The following LDLRAD3 variants were observed in gnomAD, a reference collection of about 807,000 sequenced individuals.
The protein encoded by LDLRAD3 is low density lipoprotein receptor class A domain containing 3, also known as low-density lipoprotein receptor class A domain-containing protein 3.
Under a neutral mutation model 29.4 loss-of-function variants are expected in LDLRAD3, and 20 were observed. That is an observed-to-expected ratio of 0.68 (90% CI 0.48 to 0.99). The LOEUF (loss-of-function observed/expected upper bound fraction) is 0.99, where lower values mean the gene tolerates loss of function less well. LDLRAD3 is among the 50% of genes least tolerant of loss of function. The pLI, the probability that LDLRAD3 is intolerant of heterozygous loss-of-function variation, is 0.00. For synonymous variants in LDLRAD3, 157 were observed against 192.7 expected (o/e 0.81, Z 1.53); for missense variants, 420 against 454.3 (o/e 0.92, Z 0.69).
intron 2 of LDLRAD3, among the ~76,000 whole-genome samples, chr11:36,056,152 C>T (rs1406511620): frequency 1.3e-5 from 2 of 151,988 alleles, no homozygotes; most frequent in South Asian, 2.1e-4. Context: ...TGCGCCACTA[C>T]GCCCGGCTAA....
intron 4 of LDLRAD3, among the ~76,000 whole-genome samples, chr11:36,136,106 G>T (rs2133310551): frequency 6.6e-6 from 1 of 152,228 alleles, no homozygotes; most frequent in Middle Eastern, 3.4e-3. Flanking sequence ...GTTCATCTGT[G>T]CACATGAATC....
intron 2 of LDLRAD3, among the ~76,000 whole-genome samples, chr11:36,039,204 C>T (rs1239577883): frequency 6.6e-6 from 1 of 152,056 alleles, no homozygotes; most frequent in Non-Finnish European, 1.5e-5. Flanking sequence ...CTCCTGACCT[C>T]GTGACCCGCC....
At chr11:36,027,826 A>G (rs1176820101) in intron 1 of LDLRAD3, among the ~76,000 whole-genome samples, 1 of 152,200 alleles carries the variant, frequency 6.6e-6, no homozygotes, top group East Asian at 1.9e-4. Flanking sequence ...TGCAGAGTCG[A>G]TTGGCTCTCT....
intron 4 of LDLRAD3, among the ~76,000 whole-genome samples, chr11:36,139,161 T>C (rs1332413619): frequency 6.6e-6 from 1 of 152,212 alleles, no homozygotes; most frequent in African/African-American, 2.4e-5. Flanking sequence ...CATTATAGAA[T>C]GTTAGCCAGC....
At chr11:36,228,883 G>A (rs753168574) in intron 5 of LDLRAD3, among the ~76,000 whole-genome samples, 11 of 152,154 alleles carry the variant, frequency 7.2e-5, no homozygotes, top group Non-Finnish European at 1.3e-4. Context: ...AGGTTGAGCC[G>A]AGGGACTTGG....
intron 1 of LDLRAD3, among the ~76,000 whole-genome samples, chr11:35,954,349 T>C (rs1192631550): frequency 6.6e-6 from 1 of 152,228 alleles, no homozygotes; most frequent in Non-Finnish European, 1.5e-5. Flanking sequence ...GCAACAATCC[T>C]GAACAGAAAA....
intron 4 of LDLRAD3, among the ~76,000 whole-genome samples, chr11:36,142,658 C>A (rs187380839): frequency 6.6e-6 from 1 of 151,994 alleles, no homozygotes; most frequent in Non-Finnish European, 1.5e-5. Context: ...AGTGGTGCAC[C>A]CGGTGCAGCC....
intron 4 of LDLRAD3, among the ~76,000 whole-genome samples, chr11:36,207,507 C>T (rs1010945231): frequency 4.6e-5 from 7 of 151,992 alleles, no homozygotes; most frequent in East Asian, 1.9e-4. Context: ...TAAAATTAGC[C>T]GGCATGGTGG....
intron 1 of LDLRAD3, among the ~76,000 whole-genome samples, chr11:35,956,277 A>T (rs575028274): frequency 1.2e-4 from 19 of 152,326 alleles, no homozygotes; most frequent in African/African-American, 4.3e-4. Flanking sequence ...GCTTGAGGCC[A>T]GGAGTGGAGA....
chr11:36,070,910 C>T (rs1338515897), intron 2 of LDLRAD3, among the ~76,000 whole-genome samples: 2 of 152,048 alleles, frequency 1.3e-5, no homozygotes, highest in Non-Finnish European at 2.9e-5. Flanking sequence ...GACCATGTAG[C>T]CCAGGAAAGT....
chr11:36,155,324 G>T (rs1490676475), intron 4 of LDLRAD3, among the ~76,000 whole-genome samples: 1 of 152,084 alleles, frequency 6.6e-6, no homozygotes, highest in Non-Finnish European at 1.5e-5. Flanking sequence ...TTATTTATCC[G>T]GGTCCTTTGA....
chr11:36,033,926 A>G (rs937489989), intron 1 of LDLRAD3, among the ~76,000 whole-genome samples: 8 of 152,196 alleles, frequency 5.3e-5, no homozygotes, highest in Non-Finnish European at 1.2e-4. Flanking sequence ...AATAGGAGAA[A>G]TTGCAGCAGA....
At chr11:36,182,252 G>A (rs1854775744) in intron 4 of LDLRAD3, among the ~76,000 whole-genome samples, 1 of 152,164 alleles carries the variant, frequency 6.6e-6, no homozygotes, top group Non-Finnish European at 1.5e-5. Context: ...TTGTGTCCAG[G>A]GTGTGAGGTT....
chr11:36,070,494 G>A (rs758241366), intron 2 of LDLRAD3, among the ~76,000 whole-genome samples: 20 of 152,182 alleles, frequency 1.3e-4, no homozygotes, highest in African/African-American at 4.6e-4. Flanking sequence ...TCTATCTGGG[G>A]TGTATTAGAC....
chr11:36,229,098 C>G, intron 5 of LDLRAD3, 62 bp from the exon 6 acceptor site: 1 of 1,176,486 alleles, frequency 8.5e-7, no homozygotes, highest in South Asian at 1.3e-5. Flanking sequence ...TATCTTGGCC[C>G]TAATGTGTTC....
chr11:36,054,038 T>G (rs1306799163), intron 2 of LDLRAD3, among the ~76,000 whole-genome samples: 1 of 152,160 alleles, frequency 6.6e-6, no homozygotes, highest in Non-Finnish European at 1.5e-5. Context: ...AAACCAAACT[T>G]TGGCAAGTGT....
chr11:36,050,093 G>C (rs745848009), intron 2 of LDLRAD3, among the ~76,000 whole-genome samples: 16 of 152,186 alleles, frequency 1.1e-4, no homozygotes, highest in Non-Finnish European at 1.8e-4. Context: ...CCATCCTGTT[G>C]CTTTCTTGAA....
intron 2 of LDLRAD3, among the ~76,000 whole-genome samples, chr11:36,037,408 C>T (rs1370860788): frequency 1.3e-5 from 2 of 152,106 alleles, no homozygotes; most frequent in Admixed American, 1.3e-4. Flanking sequence ...CCCCACCTCC[C>T]GGGTTCAAGC....
chr11:35,976,438 A>T (rs1265925934), intron 1 of LDLRAD3, among the ~76,000 whole-genome samples: 2 of 152,046 alleles, frequency 1.3e-5, no homozygotes, highest in Non-Finnish European at 2.9e-5. Context: ...ACAGGTGATG[A>T]GAGTTGGCTA....
Sources: gnomAD v4.1 joint callset for allele counts (sites outside exome capture counted in the v4.1 genomes callset) on GRCh38, gnomAD v4.1.1 for gene constraint, MANE v1.5 for transcripts, NCBI Gene and HGNC (gene_info 2026-07-23, HGNC 2026-07-21) for gene names.